The following ZMYND8 variants were observed in gnomAD, a reference collection of about 807,000 sequenced individuals.
ZMYND8 encodes MYND-type zinc finger-containing chromatin reader ZMYND8.
Under a neutral mutation model 140.8 loss-of-function variants are expected in ZMYND8, and 37 were observed. The observed-to-expected ratio is 0.26, with a 90% CI of 0.20 to 0.35. The LOEUF (loss-of-function observed/expected upper bound fraction) is 0.35, where lower values mean the gene tolerates loss of function less well. Ranked by LOEUF, ZMYND8 falls within the 10% of genes least tolerant of loss-of-function variation. The pLI, the probability that ZMYND8 is intolerant of heterozygous loss-of-function variation, is 1.00. For synonymous variants in ZMYND8, 592 were observed against 597.1 expected, an observed-to-expected ratio of 0.99 and a Z score of 0.12; for missense variants, 1,068 against 1,570.0, an observed-to-expected ratio of 0.68 and a Z score of 5.40.
chr20:47,240,879 T>TA (rs1158149728), intron 14 of ZMYND8, among the ~76,000 whole-genome samples: 2 of 152,084 alleles, frequency 1.3e-5, no homozygotes, highest in East Asian at 2.0e-4. Context: ...TTTAAAGAGA[T>TA]AGAGTTTTGC....
chr20:47,212,544 C>T, intron 22 of ZMYND8, 98 bp downstream of exon 22: 2 of 1,362,400 alleles, frequency 1.5e-6, no homozygotes, highest in Non-Finnish European at 2.1e-6. Context: ...GGAGAAGACA[C>T]ACCCACAAAG....
chr20:47,287,598 C>T (rs2077002651), intron 7 of ZMYND8, among the ~76,000 whole-genome samples: 1 of 152,142 alleles, frequency 6.6e-6, no homozygotes, highest in Admixed American at 6.6e-5. Context: ...TGAAAAAAGG[C>T]CTTATTCTAC....
intron 16 of ZMYND8, among the ~76,000 whole-genome samples, chr20:47,235,317 T>C (rs2039083069): frequency 6.6e-6 from 1 of 152,204 alleles, no homozygotes; most frequent in Non-Finnish European, 1.5e-5. Flanking sequence ...CACCGTGGTC[T>C]AATGACAAGA....
chr20:47,289,156 T>C (rs562636573), intron 7 of ZMYND8, among the ~76,000 whole-genome samples: 1 of 152,128 alleles, frequency 6.6e-6, no homozygotes, highest in Non-Finnish European at 1.5e-5. Flanking sequence ...AATATCTGAA[T>C]AGATGTTTAC....
At chr20:47,218,168 C>A (rs540091477) in intron 21 of ZMYND8, among the ~76,000 whole-genome samples, 1 of 152,326 alleles carries the variant, frequency 6.6e-6, no homozygotes, top group Admixed American at 6.5e-5. Context: ...CTAGGTAATA[C>A]TCCTCCAGCT....
At chr20:47,293,296 CT>C (rs1344826187) in intron 5 of ZMYND8, among the ~76,000 whole-genome samples, 1 of 151,872 alleles carries the variant, frequency 6.6e-6, no homozygotes, top group African/African-American at 2.4e-5. Context: ...TCATAATATG[CT>C]TATTATATTG....
chr20:47,294,380 A>AAACCTCTT (rs533441004), intron 5 of ZMYND8, among the ~76,000 whole-genome samples: 2,859 of 151,950 alleles, frequency 0.019, 98 homozygotes, highest in African/African-American at 0.065. Flanking sequence ...ACAAAAAAAA[A>AAACCTCTT]AACCTCTTTT....
At chr20:47,313,930 C>T (rs1208114276) in intron 2 of ZMYND8, among the ~76,000 whole-genome samples, 13 of 151,936 alleles carry the variant, frequency 8.6e-5, no homozygotes, top group African/African-American at 3.1e-4. Flanking sequence ...AAGACTCCGT[C>T]TCAAAAAAAT....
At chr20:47,264,665 G>T (rs568430362) in intron 11 of ZMYND8, among the ~76,000 whole-genome samples, 26 of 85,724 alleles carry the variant, frequency 3.0e-4, no homozygotes, top group African/African-American at 9.1e-4. Context: ...TTCCTTCACT[G>T]GGGGGGGCTG....
chr20:47,287,315 A>G, intron 7 of ZMYND8, 31 bp from the exon 8 acceptor site: 1 of 1,584,710 alleles, frequency 6.3e-7, no homozygotes, highest in South Asian at 1.1e-5. Flanking sequence ...GATTAATTCT[A>G]ATGGAAATAC....
chr20:47,304,192 C>T (rs1429705916), intron 3 of ZMYND8, among the ~76,000 whole-genome samples: 2 of 152,170 alleles, frequency 1.3e-5, no homozygotes, highest in African/African-American at 4.8e-5. Context: ...TTAAGGGATA[C>T]TGCAGAAGAG....
chr20:47,222,955 T>C (rs2037197116), intron 19 of ZMYND8, among the ~76,000 whole-genome samples: 1 of 152,212 alleles, frequency 6.6e-6, no homozygotes, highest in South Asian at 2.1e-4. Flanking sequence ...CAGAGTTAAG[T>C]AGTAGCAACA....
At chr20:47,326,156 C>T (rs2080397157) in intron 2 of ZMYND8, among the ~76,000 whole-genome samples, 1 of 152,214 alleles carries the variant, frequency 6.6e-6, no homozygotes, top group East Asian at 1.9e-4. Flanking sequence ...GACAGGGTTT[C>T]ACCATGTTGG....
chr20:47,304,423 G>A (rs1385010558), intron 3 of ZMYND8, among the ~76,000 whole-genome samples: 1 of 152,224 alleles, frequency 6.6e-6, no homozygotes, highest in Non-Finnish European at 1.5e-5. Context: ...CACACAGACA[G>A]TACATAAATG....
intron 10 of ZMYND8, among the ~76,000 whole-genome samples, chr20:47,278,550 A>C (rs56819659): frequency 6.6e-6 from 1 of 152,074 alleles, no homozygotes; most frequent in African/African-American, 2.4e-5. Context: ...AAGAGAAAAC[A>C]ACCCAGGAGA....
chr20:47,306,227 T>C (rs1433177168), intron 3 of ZMYND8, among the ~76,000 whole-genome samples: 1 of 151,960 alleles, frequency 6.6e-6, no homozygotes, highest in Non-Finnish European at 1.5e-5. Flanking sequence ...CCCCCATCTC[T>C]ATAACAAAAT....
Position 47,265,621 on chromosome 20 carries a change from T to G in ZMYND8, c.1481-3193A>C, listed in dbSNP as rs574774123. Among the ~76,000 whole-genome samples the G allele has an allele frequency of 2.3e-4, 35 of 152,310 alleles. 1 individual carries two copies. The highest frequency in any genetic ancestry group is 7.7e-4 in the African/African-American group (32 of 41,572). ...ATGCCCAACTAATCTTTTTGTATTT[T>G]TAGTAGAGACGGGGTTTTGCCATGT... On this transcript the variant is annotated intron_variant, in intron 11 of 22. Coordinates refer to ENST00000471951, the MANE Select transcript of ZMYND8 (RefSeq NM_001281775.3).
At chr20:47,266,480 C>G (rs1220590659) in intron 11 of ZMYND8, among the ~76,000 whole-genome samples, 8 of 152,124 alleles carry the variant, frequency 5.3e-5, no homozygotes, top group African/African-American at 1.9e-4. Flanking sequence ...GGGGGTTTCA[C>G]CATGTTGGCC....
rs1333791164 is a variant in ZMYND8 at position 47,210,463 on chromosome 20, A to G, written c.*298T>C. 6.3e-6 allele frequency: 1 copy of G among 157,692 alleles called. No individual in the cohort carries two copies. Among genetic ancestry groups the G allele is most frequent in the African/African-American group, 2.9e-5 (1 of 34,130 alleles). 9.8% of individuals were successfully genotyped at this position (157,692 alleles called of 1,614,324 possible). A position where few individuals can be genotyped will look rare whatever the true frequency, so the allele number is the denominator to read the frequency against. On this transcript the variant is annotated 3_prime_UTR_variant, in exon 23 of 23. Transcript: ENST00000471951. ...TTCTTTTTCTTTTTTTTTTTTTAAT[A>G]AGTTAAAGTTAATACAAATATAAAA...
Sources: gnomAD v4.1 joint callset for allele counts (sites outside exome capture counted in the v4.1 genomes callset) on GRCh38, gnomAD v4.1.1 for gene constraint, MANE v1.5 for transcripts, NCBI Gene and HGNC (gene_info 2026-07-23, HGNC 2026-07-21) for gene names.